Variants in C3 observed in about 807,000 individuals in gnomAD.
C3 encodes the protein complement C3.
C3 carries 97 observed loss-of-function variants against 207.9 expected under a neutral mutation model. The ratio of observed to expected loss-of-function variants is 0.47; its 90% CI spans 0.40 to 0.55. C3 has a LOEUF of 0.55. Among genes scored for constraint, C3 ranks in the 20% least tolerant of loss-of-function variants. The probability of loss-of-function intolerance (pLI) is 0.00; values close to 1 mark genes in which losing one functional copy is unlikely to be tolerated. For synonymous variants in C3, 848 were observed against 857.6 expected (o/e 0.99, Z 0.20); for missense variants, 1,684 against 2,171.7 (o/e 0.78, Z 4.46).
chr19:6,691,685 T>C (rs1229394129), intron 26 of C3, among the ~76,000 whole-genome samples: 1 of 152,070 alleles, frequency 6.6e-6, no homozygotes, highest in Non-Finnish European at 1.5e-5. Context: ...CGGGCACTTT[T>C]AAAAACTCAG....
intron 17 of C3, among the ~76,000 whole-genome samples, chr19:6,703,056 A>C (rs1019687950): frequency 6.6e-6 from 1 of 152,000 alleles, no homozygotes; most frequent in Non-Finnish European, 1.5e-5. Context: ...AAAAACAAAC[A>C]AAAAGAGAGC....
chr19:6,691,531 G>T (rs1918168063), intron 26 of C3, among the ~76,000 whole-genome samples: 1 of 152,144 alleles, frequency 6.6e-6, no homozygotes, highest in South Asian at 2.1e-4. Flanking sequence ...ATGTGCAAAG[G>T]CCCTGTAGAA....
intron 9 of C3, 38 bp from the exon 10 acceptor site, chr19:6,712,661 C>T: frequency 6.4e-7 from 1 of 1,557,170 alleles, no homozygotes; most frequent in Non-Finnish European, 8.9e-7. Flanking sequence ...TTCTGGGCCA[C>T]CCCTCAGGAT....
chr19:6,682,278 C>T, intron 33 of C3, 49 bp from the exon 34 acceptor site: 2 of 1,445,772 alleles, frequency 1.4e-6, no homozygotes, highest in Non-Finnish European at 1.9e-6. Flanking sequence ...GGGGTCAGCC[C>T]CAAGGGTCTG....
chr19:6,714,500 G>C, intron 4 of C3, 54 bp from the exon 5 acceptor site: 3 of 1,273,478 alleles, frequency 2.4e-6, no homozygotes, highest in Non-Finnish European at 3.4e-6. Context: ...CGGAGGCTGG[G>C]CTTAGCCTCT....
chr19:6,696,712 GACAC>G, intron 21 of C3, 53 bp from the exon 22 acceptor site: 3 of 1,526,898 alleles, frequency 2.0e-6, no homozygotes, highest in Non-Finnish European at 2.7e-6. Flanking sequence ...AGAACAGACA[GACAC>G]ACAGATGGTC....
At chr19:6,703,047 A>AAAAC (rs1967706939) in intron 17 of C3, among the ~76,000 whole-genome samples, 1 of 152,102 alleles carries the variant, frequency 6.6e-6, no homozygotes, top group Non-Finnish European at 1.5e-5. Context: ...ACAAAAACAA[A>AAAAC]AAACAAACAA....
intron 26 of C3, 60 bp from the exon 27 acceptor site, chr19:6,690,787 TC>T (rs1220435607): frequency 1.5e-6 from 2 of 1,313,890 alleles, no homozygotes; most frequent in African/African-American, 2.9e-5. Context: ...ATGGCAGTCA[TC>T]CCCCCTTGCA....
chr19:6,714,411 C>G lies in C3; in HGVS notation c.540G>C (p.Leu180Phe). 1.2e-6 allele frequency: 2 copies of G among 1,613,858 alleles called. No homozygotes were observed. The highest frequency in any genetic ancestry group is 1.7e-6 in the Non-Finnish European group (2 of 1,180,000). ...PEGIPVKQDSLSSQNQLGVLP... is the reference protein window; with the variant it reads ...PEGIPVKQDSFSSQNQLGVLP... ...AGACGCCAAGCTGGTTCTGAGAAGA[C>G]AAGGAGTCCTGCTTGACCGGGATGC... Residue 180 changes from leucine (L) to phenylalanine (F), a missense_variant, in exon 5 of 41, where the codon TTG becomes TTC. By Grantham distance (22) the Leu-to-Phe change is conservative (BLOSUM62 0). Around this residue, in one of 3 missense-constraint regions of C3, gnomAD observed 1,280 missense variants for 1,739.1 expected, o/e 0.74. Transcript: ENST00000245907.
intron 33 of C3, among the ~76,000 whole-genome samples, chr19:6,683,901 C>T (rs577423199): frequency 2.8e-4 from 42 of 152,300 alleles, no homozygotes; most frequent in South Asian, 4.1e-4. Context: ...CGAGACCAGC[C>T]TGGGCAACAC....
Position 6,712,237 on chromosome 19 carries a change from G to A in C3, c.1269+20C>T, listed in dbSNP as rs1201018904. The A allele has an allele frequency of 2.5e-6, 4 of 1,612,838 alleles. No individual in the cohort carries two copies. Among genetic ancestry groups the A allele is most frequent in the Non-Finnish European group, 1.7e-6 (2 of 1,179,984 alleles). ...ACCGTCTTCCCAGTGATGGGGTTCC[G>A]AGGCTGGGCCCAGACGCACCGTGAT... On this transcript the variant is annotated intron_variant, in intron 11 of 40. Transcript: ENST00000245907.
rs769672769 is a variant in C3 at position 6,707,556 on chromosome 19, GAGA to G, written c.1976-22_1976-20del. ...TGAAGTTCTGCAGGGCAGGCGGACC[GAGA>G]AGAAGATGGATGAGGCACCTACTAG... On this transcript the variant is annotated intron_variant, in intron 15 of 40. Transcript: ENST00000245907. 4.5e-5 allele frequency: 73 copies of G among 1,613,872 alleles called. No homozygotes were observed. The highest frequency in any genetic ancestry group is 5.3e-5 in the African/African-American group (4 of 75,034).
At chr19:6,687,996 A>G (rs1216987338) in intron 27 of C3, among the ~76,000 whole-genome samples, 1 of 151,340 alleles carries the variant, frequency 6.6e-6, no homozygotes, top group Non-Finnish European at 1.5e-5. Flanking sequence ...AGCTGGGACT[A>G]CAGGCGTCCG....
chr19:6,678,084 C>A, intron 40 of C3, 61 bp from the exon 41 acceptor site: 8 of 1,613,722 alleles, frequency 5.0e-6, no homozygotes, highest in Non-Finnish European at 6.8e-6. Context: ...AGGGGCGTGA[C>A]AATGGTGTGG....
At chr19:6,715,846 C>T (rs923415315) in intron 4 of C3, among the ~76,000 whole-genome samples, 6 of 151,956 alleles carry the variant, frequency 3.9e-5, no homozygotes, top group South Asian at 2.1e-4. Context: ...AGGATGGTCT[C>T]GATCTCCTGA....
intron 21 of C3, among the ~76,000 whole-genome samples, chr19:6,696,971 G>A (rs1032460039): frequency 6.6e-6 from 1 of 150,720 alleles, no homozygotes; most frequent in Non-Finnish European, 1.5e-5. Flanking sequence ...GAACCCGGGA[G>A]GCGGATATTG....
chr19:6,712,464 T>C, intron 10 of C3, 44 bp downstream of exon 10: 1 of 1,614,000 alleles, frequency 6.2e-7, no homozygotes, highest in African/African-American at 1.3e-5. Context: ...GTGGCCGGTG[T>C]CCCCGAAGGG....
In C3 at chr19:6,707,253, G is replaced by T. The variant is rs1046475676; in HGVS notation, c.2068C>A (p.Leu690Met). ...ATGCCGTCCTCGCAGCACTTGCGCA[G>T]CTCCTTGGGGTACTTGCCGACTGCG... ...MDKVGKYPKE[L>M]RKCCEDGMRE... Residue 690 changes from leucine (L) to methionine (M), a missense_variant, in exon 17 of 41, where the codon CTG becomes ATG. Around this residue, in one of 3 missense-constraint regions of C3, gnomAD observed 1,280 missense variants for 1,739.1 expected, o/e 0.74. Coordinates refer to ENST00000245907, the MANE Select transcript of C3 (RefSeq NM_000064.4). The T allele has an allele frequency of 1.9e-6, 3 of 1,611,660 alleles. No individual in the cohort carries two copies. Among genetic ancestry groups the T allele is most frequent in the Non-Finnish European group, 2.5e-6 (3 of 1,179,060 alleles).
At chr19:6,718,045 C>T (rs957098641) in intron 4 of C3, 49 bp downstream of exon 4, 3 of 1,558,516 alleles carry the variant, frequency 1.9e-6, no homozygotes, top group Non-Finnish European at 2.7e-6. Context: ...CTCTTTGCCT[C>T]TCCTAAGCCT....
Sources: gnomAD v4.1 joint callset for allele counts (sites outside exome capture counted in the v4.1 genomes callset) on GRCh38, gnomAD v4.1.1 for gene constraint, gnomAD v4.1.1 regional missense constraint, MANE v1.5 for transcripts, NCBI Gene and HGNC (gene_info 2026-07-23, HGNC 2026-07-21) for gene names.